LINGO2: variants seen among roughly 807,000 people sequenced by gnomAD.
LINGO2 encodes leucine rich repeat and Ig domain containing 2.
In LINGO2, 14 loss-of-function variants were observed where a neutral mutation model predicts 30.6. The ratio of observed to expected loss-of-function variants is 0.46; its 90% CI spans 0.30 to 0.72. The LOEUF is 0.72. Ranked by LOEUF, LINGO2 falls within the 30% of genes least tolerant of loss-of-function variation. The probability of loss-of-function intolerance (pLI) is 0.07; values close to 1 mark genes in which losing one functional copy is unlikely to be tolerated. For missense variants in LINGO2, 729 were observed against 751.7 expected (o/e 0.97, Z 0.35); for synonymous variants, 317 against 288.5 (o/e 1.10, Z -1.00).
At chr9:29,055,763 G>A in the LINGO2 span, among the ~76,000 whole-genome samples, 1 of 152,004 alleles carries the variant, frequency 6.6e-6, no homozygotes, top group East Asian at 1.9e-4. Context: ...TCATTCTGAT[G>A]TCTTCGCGTC....
intron 4 of LINGO2, among the ~76,000 whole-genome samples, chr9:28,120,761 A>G (rs535771961): frequency 1.3e-5 from 2 of 152,306 alleles, no homozygotes; most frequent in East Asian, 3.9e-4. Context: ...TCCTTCTGAC[A>G]GTTCAAGCCA....
At chr9:28,103,949 C>A (rs999656538) in intron 4 of LINGO2, among the ~76,000 whole-genome samples, 4 of 152,112 alleles carry the variant, frequency 2.6e-5, no homozygotes, top group African/African-American at 9.7e-5. Flanking sequence ...CATTGGGTAA[C>A]TTAAATTACT....
chr9:29,003,278 A>G, the LINGO2 span, among the ~76,000 whole-genome samples: 2 of 152,120 alleles, frequency 1.3e-5, no homozygotes, highest in Non-Finnish European at 2.9e-5. Context: ...GGAAACAAAT[A>G]CCGGTGTGGA....
the LINGO2 span, among the ~76,000 whole-genome samples, chr9:28,927,052 T>C: frequency 1.3e-5 from 2 of 152,368 alleles, no homozygotes; most frequent in South Asian, 2.1e-4. Context: ...TATTTTATTG[T>C]TGTTTAGTTT....
At chr9:28,996,935 ATG>A in the LINGO2 span, among the ~76,000 whole-genome samples, 2 of 152,138 alleles carry the variant, frequency 1.3e-5, no homozygotes, top group Admixed American at 6.5e-5. Flanking sequence ...GGGACATTGT[ATG>A]TGTGTGTGTT....
In LINGO2 at chr9:28,540,507, C is replaced by T. The variant is rs186208542; in HGVS notation, c.-364-64482G>A. On this transcript the variant is annotated intron_variant, in intron 1 of 5. Transcript: ENST00000379992. ...GAATTCCTGACTTCAAGGTATCCAC[C>T]GGTTTCAGCTTCCCAAAGTGCTGGG... Among the ~76,000 whole-genome samples, 160 of 152,242 alleles carry T rather than the reference C, an allele frequency of 1.1e-3. 1 individual carries two copies. Among genetic ancestry groups the T allele is most frequent in the East Asian group, 3.5e-3 (18 of 5,172 alleles).
the LINGO2 span, among the ~76,000 whole-genome samples, chr9:29,071,754 A>G: frequency 0.2 from 29,777 of 151,566 alleles, 3,056 homozygotes; most frequent in African/African-American, 0.24. Flanking sequence ...AGTGCTTTCC[A>G]TAACACTAGA....
chr9:28,510,787 C>G (rs569210608), intron 1 of LINGO2, among the ~76,000 whole-genome samples: 1 of 152,012 alleles, frequency 6.6e-6, no homozygotes, highest in Middle Eastern at 3.4e-3. Context: ...ATCTATCTAT[C>G]TATCTATTTG....
At chr9:28,368,609 C>CT (rs1820770350) in intron 3 of LINGO2, among the ~76,000 whole-genome samples, 3 of 87,142 alleles carry the variant, frequency 3.4e-5, no homozygotes, top group Admixed American at 1.2e-4. Flanking sequence ...TTTTTTTTTT[C>CT]TTTTTGAGAC....
chr9:28,449,923 C>A (rs1824583390), intron 2 of LINGO2, among the ~76,000 whole-genome samples: 1 of 151,984 alleles, frequency 6.6e-6, no homozygotes, highest in Non-Finnish European at 1.5e-5. Flanking sequence ...AGCCAAATCT[C>A]ATTTCCTTAT....
At chr9:29,189,689 G>A in the LINGO2 span, among the ~76,000 whole-genome samples, 1 of 152,128 alleles carries the variant, frequency 6.6e-6, no homozygotes, top group Non-Finnish European at 1.5e-5. Flanking sequence ...GTAGCGAGCC[G>A]AGATCACGCC....
At chr9:27,948,906 G>A in exon 6 of LINGO2, 4 of 1,613,982 alleles carry the variant, frequency 2.5e-6, no homozygotes, top group Non-Finnish European at 3.4e-6. Flanking sequence ...TTCCACAACA[G>A]CACCATTGTT....
chr9:28,397,931 T>C (rs1822119365), intron 2 of LINGO2, among the ~76,000 whole-genome samples: 1 of 152,202 alleles, frequency 6.6e-6, no homozygotes, highest in Non-Finnish European at 1.5e-5. Context: ...GTGATCTTTG[T>C]ACCTCTCTTT....
intron 1 of LINGO2, among the ~76,000 whole-genome samples, chr9:28,534,967 C>T (rs1821370175): frequency 1.3e-5 from 2 of 152,124 alleles, no homozygotes; most frequent in Non-Finnish European, 1.5e-5. Flanking sequence ...TACATACACA[C>T]ACTTTTTAAA....
chr9:28,351,899 C>A (rs1020547958), intron 3 of LINGO2, among the ~76,000 whole-genome samples: 6 of 149,346 alleles, frequency 4.0e-5, no homozygotes, highest in Non-Finnish European at 7.5e-5. Flanking sequence ...AAGACAAAAA[C>A]CACATGATTA....
intron 4 of LINGO2, among the ~76,000 whole-genome samples, chr9:28,044,699 C>G (rs1455661207): frequency 6.6e-6 from 1 of 151,846 alleles, no homozygotes; most frequent in Admixed American, 6.6e-5. Flanking sequence ...AGAATCCAAA[C>G]GAGCAGAGAG....
chr9:27,982,527 T>A (rs1820929694), intron 5 of LINGO2, among the ~76,000 whole-genome samples: 1 of 151,828 alleles, frequency 6.6e-6, no homozygotes, highest in South Asian at 2.1e-4. Context: ...TTAACTCAAT[T>A]CCCTTAATAA....
At chr9:28,947,681 C>A in the LINGO2 span, among the ~76,000 whole-genome samples, 4 of 151,454 alleles carry the variant, frequency 2.6e-5, no homozygotes, top group Non-Finnish European at 4.4e-5. Flanking sequence ...AAGAAGAAAA[C>A]CCATACACAC....
chr9:28,464,555 T>A (rs1825221451), intron 2 of LINGO2, among the ~76,000 whole-genome samples: 1 of 152,182 alleles, frequency 6.6e-6, no homozygotes, highest in Non-Finnish European at 1.5e-5. Flanking sequence ...CATGTGTTTG[T>A]GGAAGAAATG....
Sources: allele counts gnomAD v4.1 joint callset (sites outside exome capture counted in the v4.1 genomes callset), GRCh38; gene constraint gnomAD v4.1.1; transcripts MANE v1.5; gene names NCBI Gene and HGNC (gene_info 2026-07-23, HGNC 2026-07-21).